Variants in EFCC1 observed in about 807,000 individuals in gnomAD.
EFCC1 encodes EF-hand and coiled-coil domain-containing protein 1.
In EFCC1, 50 loss-of-function variants were observed where a neutral mutation model predicts 52.1. The observed-to-expected ratio is 0.96, with a 90% CI of 0.76 to 1.21. The LOEUF is 1.21. Among genes scored for constraint, EFCC1 ranks in the 50% most tolerant of loss-of-function variants. The pLI is 0.00. For synonymous variants in EFCC1, 399 were observed against 396.5 expected, an observed-to-expected ratio of 1.01 and a Z score of -0.08; for missense variants, 837 against 867.3, an observed-to-expected ratio of 0.97 and a Z score of 0.44.
Position 129,001,840 on chromosome 3 carries a change from CCG to C in EFCC1, c.213_214del (p.Gly72ProfsTer30), listed in dbSNP as rs746043608. The C allele has an allele frequency of 6.5e-7, 1 of 1,545,792 alleles. No homozygotes were observed. On this transcript the variant is annotated frameshift_variant, in exon 1 of 8. Transcript: ENST00000683648. LOFTEE classifies it high-confidence loss of function. ...TTCCACCACCTGGACTGCCGCGGCGCCGGCCGTCTGCCCCGCGCCGACTTCCG... is the reference window on the plus strand; with the variant it reads ...TTCCACCACCTGGACTGCCGCGGCGCGCCGTCTGCCCCGCGCCGACTTCCG...
At chr3:129,021,006 C>T (rs1945815822) in intron 2 of EFCC1, among the ~76,000 whole-genome samples, 1 of 152,150 alleles carries the variant, frequency 6.6e-6, no homozygotes, top group Non-Finnish European at 1.5e-5. Flanking sequence ...CAGGGCATCT[C>T]CTTGGGAGCA....
Position 129,034,250 on chromosome 3 carries a change from A to G in EFCC1, c.1373A>G (p.Glu458Gly). The change falls in exon 5 of 8, where the codon GAG (glutamate) becomes GGG (glycine). Residue 458 changes from glutamate (E) to glycine (G), a missense_variant. By Grantham distance (98) the Glu-to-Gly change is moderately conservative (BLOSUM62 -2). Transcript: ENST00000683648. ...ANHAHTLGEL[E>G]ACIAMLVEQL... ...CATGCCCATACCCTGGGGGAGCTGG[A>G]GGCCTGCATTGCCATGCTGGTGGAG... 6.2e-7 allele frequency: 1 copy of G among 1,614,166 alleles called. No individual in the cohort carries two copies. The highest frequency in any genetic ancestry group is 1.1e-5 in the South Asian group (1 of 91,082).
At chr3:129,038,698 G>A (rs1178092571) in intron 6 of EFCC1, 133 bp from the exon 7 acceptor site, 14 of 836,384 alleles carry the variant, frequency 1.7e-5, no homozygotes, top group African/African-American at 3.4e-5. Context: ...GCCAAGAAGC[G>A]ATGAGGGTGG....
In EFCC1 at chr3:129,003,934, C is replaced by CGAGGTGCGGCGGCGCGCGGAG; in HGVS notation, c.842_862dup (p.Val281_Glu287dup). 1.4e-6 allele frequency: 2 copies of CGAGGTGCGGCGGCGCGCGGAG among 1,389,338 alleles called. No homozygotes were observed. The highest frequency in any genetic ancestry group is 1.9e-6 in the Non-Finnish European group (2 of 1,075,252). The allele number at this position is 1,389,338 out of a possible 1,614,324, so 86.1% of individuals were successfully genotyped here. ...CTGGGCGGCTGCGCCGTGGCCAGGC[C>CGAGGTGCGGCGGCGCGCGGAG]GAGGTGCGGCGGCGCGCGGAGGAGG... On this transcript the variant is annotated inframe_insertion, in exon 2 of 8. Transcript: ENST00000683648.
chr3:129,039,121 C>T (rs1197250240), intron 7 of EFCC1, among the ~76,000 whole-genome samples: 5 of 152,260 alleles, frequency 3.3e-5, no homozygotes, highest in East Asian at 1.9e-4. Context: ...GATGGGTGGG[C>T]GCCACCGGCA....
chr3:129,040,292 G>A lies in EFCC1; in HGVS notation c.*444G>A, dbSNP rs1946406782. The A allele has an allele frequency of 6.1e-6, 1 of 165,176 alleles. No individual in the cohort carries two copies. The highest frequency in any genetic ancestry group is 1.3e-5 in the Non-Finnish European group (1 of 77,212). The allele number at this position is 165,176 out of a possible 1,614,324, so 10.2% of individuals were successfully genotyped here. On this transcript the variant is annotated 3_prime_UTR_variant, in exon 8 of 8. Coordinates refer to ENST00000683648, the MANE Select transcript of EFCC1 (RefSeq NM_001377500.1). The surrounding 1 kb of genome is among the most constrained non-coding windows in gnomAD (Gnocchi z 4.4). Reference sequence around the variant, plus strand: ...GCAACGGAGACTGGGCCCAACCTTTGGGATACCTGGTCTGTAGGAAAGCAC... The same window carrying A: ...GCAACGGAGACTGGGCCCAACCTTTAGGATACCTGGTCTGTAGGAAAGCAC...
chr3:129,009,799 C>T (rs1030410826), intron 2 of EFCC1, among the ~76,000 whole-genome samples: 1 of 152,232 alleles, frequency 6.6e-6, no homozygotes, highest in African/African-American at 2.4e-5. Flanking sequence ...CCTGGTTAGA[C>T]ACAGAGCAGG....
intron 2 of EFCC1, 27 bp downstream of exon 2, chr3:129,004,104 C>A: frequency 6.8e-7 from 1 of 1,466,830 alleles, no homozygotes; most frequent in South Asian, 1.3e-5. Context: ...GCCCTGGGCC[C>A]AAGTTCCCCA....
chr3:129,001,628 G>A lies in EFCC1; in HGVS notation c.-1G>A, dbSNP rs1316741781. Reference sequence around the variant, plus strand: ...GGAGGAGCGAGGCGCGCGGCGCAGCGATGGAGCCGGTCAGCACGGGCGCGG... The same window carrying A: ...GGAGGAGCGAGGCGCGCGGCGCAGCAATGGAGCCGGTCAGCACGGGCGCGG... On this transcript the variant is annotated 5_prime_UTR_variant, in exon 1 of 8. Transcript: ENST00000683648. 2.2e-6 allele frequency: 3 copies of A among 1,358,588 alleles called. No homozygotes were observed. The highest frequency in any genetic ancestry group is 3.0e-5 in the East Asian group (1 of 33,060). 84.2% of individuals were successfully genotyped at this position (1,358,588 alleles called of 1,614,324 possible).
intron 2 of EFCC1, among the ~76,000 whole-genome samples, chr3:129,029,734 G>A (rs1468064326): frequency 6.6e-6 from 1 of 151,640 alleles, no homozygotes; most frequent in Non-Finnish European, 1.5e-5. Context: ...ACAGGTGTGT[G>A]CCACCACACC....
chr3:129,030,916 C>A, intron 3 of EFCC1, 56 bp downstream of exon 3: 1 of 1,486,130 alleles, frequency 6.7e-7, no homozygotes. Context: ...TCCGGCTGTG[C>A]TCAGCCCTGC....
chr3:129,021,991 G>A (rs2107914661), intron 2 of EFCC1, among the ~76,000 whole-genome samples: 1 of 152,182 alleles, frequency 6.6e-6, no homozygotes, highest in East Asian at 1.9e-4. Flanking sequence ...TAGGGTTGGG[G>A]TCCTCTGCTG....
intron 2 of EFCC1, among the ~76,000 whole-genome samples, chr3:129,009,424 A>G (rs1430858446): frequency 1.3e-5 from 2 of 152,164 alleles, no homozygotes; most frequent in African/African-American, 4.8e-5. Context: ...ATATCCCCAA[A>G]GCTCAGTCCA....
chr3:129,016,786 C>A (rs1194679241), intron 2 of EFCC1, among the ~76,000 whole-genome samples: 1 of 152,136 alleles, frequency 6.6e-6, no homozygotes, highest in Non-Finnish European at 1.5e-5. Flanking sequence ...TGAGCACTCA[C>A]TGGGTGTTAG....
intron 2 of EFCC1, among the ~76,000 whole-genome samples, chr3:129,006,535 C>CA (rs1945083445): frequency 1.3e-5 from 2 of 152,182 alleles, no homozygotes; most frequent in Non-Finnish European, 2.9e-5. Context: ...AGTCTGGTCT[C>CA]AAACACCTGA....
At position 129,001,627 on chromosome 3, in the gene EFCC1, C is replaced by G. The variant is rs1284347482; in HGVS notation, c.-2C>G. 1.1e-5 allele frequency: 15 copies of G among 1,357,482 alleles called. No homozygotes were observed. The highest frequency in any genetic ancestry group is 1.3e-5 in the Non-Finnish European group (14 of 1,060,166). 84.1% of individuals were successfully genotyped at this position (1,357,482 alleles called of 1,614,324 possible). On this transcript the variant is annotated 5_prime_UTR_variant, in exon 1 of 8. Coordinates refer to ENST00000683648, the MANE Select transcript of EFCC1 (RefSeq NM_001377500.1). ...CGGAGGAGCGAGGCGCGCGGCGCAG[C>G]GATGGAGCCGGTCAGCACGGGCGCG...
At chr3:129,002,965 T>C (rs1170280228) in intron 1 of EFCC1, among the ~76,000 whole-genome samples, 1 of 152,072 alleles carries the variant, frequency 6.6e-6, no homozygotes, top group Non-Finnish European at 1.5e-5. Context: ...GGACCCAGCC[T>C]TAGCATCTGG....
At chr3:129,039,167 G>A (rs2107943624) in intron 7 of EFCC1, among the ~76,000 whole-genome samples, 1 of 152,300 alleles carries the variant, frequency 6.6e-6, no homozygotes, top group South Asian at 2.1e-4. Flanking sequence ...TGCCCCAAGG[G>A]TTTTTAAACC....
At chr3:129,011,641 G>A (rs1456709362) in intron 2 of EFCC1, among the ~76,000 whole-genome samples, 2 of 152,150 alleles carry the variant, frequency 1.3e-5, no homozygotes, top group Non-Finnish European at 2.9e-5. Flanking sequence ...CAAAGGGGCA[G>A]GCCTTGAAAA....
Sources: allele counts gnomAD v4.1 joint callset (sites outside exome capture counted in the v4.1 genomes callset), GRCh38; gene constraint gnomAD v4.1.1; non-coding constraint Gnocchi (gnomAD v3.1); transcripts MANE v1.5; gene names NCBI Gene and HGNC (gene_info 2026-07-23, HGNC 2026-07-21).